Variants in SCAPER observed in about 807,000 individuals in gnomAD.
The protein encoded by SCAPER is S-phase cyclin A associated protein in the ER, also known as S phase cyclin A-associated protein in the endoplasmic reticulum.
Under a neutral mutation model 182.2 loss-of-function variants are expected in SCAPER, and 98 were observed. The ratio of observed to expected loss-of-function variants is 0.54; its 90% CI spans 0.46 to 0.64. The LOEUF (loss-of-function observed/expected upper bound fraction) is 0.64, where lower values mean the gene tolerates loss of function less well. SCAPER is among the 30% of genes least tolerant of loss of function. The pLI, the probability that SCAPER is intolerant of heterozygous loss-of-function variation, is 0.00. For synonymous variants in SCAPER, 605 were observed against 564.6 expected (o/e 1.07, Z -1.01); for missense variants, 1,432 against 1,690.0 (o/e 0.85, Z 2.68).
intron 25 of SCAPER, among the ~76,000 whole-genome samples, chr15:76,469,745 C>T (rs1473362485): frequency 2.6e-5 from 4 of 152,090 alleles, no homozygotes; most frequent in Non-Finnish European, 5.9e-5. Context: ...ACTCAAGTTT[C>T]CTCATCTGTG....
intron 21 of SCAPER, among the ~76,000 whole-genome samples, chr15:76,646,842 C>T (rs1172906650): frequency 6.6e-6 from 1 of 152,188 alleles, no homozygotes; most frequent in Admixed American, 6.5e-5. Context: ...GCCTGTAGAA[C>T]ATTTCCCTCA....
At chr15:76,631,441 T>A (rs767737796) in intron 21 of SCAPER, among the ~76,000 whole-genome samples, 1 of 152,214 alleles carries the variant, frequency 6.6e-6, no homozygotes, top group African/African-American at 2.4e-5. Context: ...TCTTTCCTTT[T>A]CATATTTAGT....
At chr15:76,361,630 G>A (rs1327954653) in intron 29 of SCAPER, among the ~76,000 whole-genome samples, 1 of 152,216 alleles carries the variant, frequency 6.6e-6, no homozygotes, top group Non-Finnish European at 1.5e-5. Flanking sequence ...ACATTAGTAA[G>A]TGAAGGCGTG....
At chr15:76,540,442 A>T (rs775066977) in intron 23 of SCAPER, among the ~76,000 whole-genome samples, 1 of 152,126 alleles carries the variant, frequency 6.6e-6, no homozygotes, top group Non-Finnish European at 1.5e-5. Flanking sequence ...TCAAAAAAGG[A>T]TTAGGTAGAT....
At chr15:76,904,421 A>C (rs1388036849) in intron 1 of SCAPER, among the ~76,000 whole-genome samples, 1 of 152,228 alleles carries the variant, frequency 6.6e-6, no homozygotes. Flanking sequence ...ATGAATAGCT[A>C]TTTTCATGGA....
chr15:76,841,953 T>C (rs1290561225), intron 4 of SCAPER, 22 bp from the exon 5 acceptor site: 4 of 1,583,708 alleles, frequency 2.5e-6, no homozygotes, highest in Non-Finnish European at 2.6e-6. Flanking sequence ...AAATAAAACA[T>C]GAAAATAAAT....
chr15:76,655,855 G>A (rs1242004765), intron 21 of SCAPER, among the ~76,000 whole-genome samples: 1 of 152,100 alleles, frequency 6.6e-6, no homozygotes, highest in Non-Finnish European at 1.5e-5. Context: ...ACAAGCAAAT[G>A]CTAAGGGAAT....
intron 21 of SCAPER, among the ~76,000 whole-genome samples, chr15:76,655,911 G>A (rs2055594212): frequency 1.3e-5 from 2 of 152,052 alleles, no homozygotes; most frequent in Admixed American, 6.6e-5. Context: ...AGAGATAGTG[G>A]AAATAGAAAA....
chr15:76,501,900 T>G (rs1567287510), intron 24 of SCAPER, among the ~76,000 whole-genome samples: 1 of 152,232 alleles, frequency 6.6e-6, no homozygotes, highest in East Asian at 1.9e-4. Context: ...AGCCACTGAC[T>G]CATGTCCACC....
Position 76,795,289 on chromosome 15 carries a change from G to A in SCAPER, c.763C>T (p.Arg255Cys), listed in dbSNP as rs759689669. The A allele has an allele frequency of 4.8e-5, 77 of 1,608,142 alleles. 1 individual carries two copies. Among genetic ancestry groups the A allele is most frequent in the Middle Eastern group, 3.3e-4 (2 of 6,058 alleles). The part of the protein sequence containing the change: ...CPPMTVQKAS[R>C]KNERKDAEGW... Reference sequence around the variant, plus strand: ...ATTCGAAGTCACTTGCCATTTTTGCGTGAGGCCTTCTGCACTGTCATTGGT... The same window carrying A: ...ATTCGAAGTCACTTGCCATTTTTGCATGAGGCCTTCTGCACTGTCATTGGT... The change falls in exon 8 of 32, where the codon CGC becomes TGC. Residue 255 changes from arginine to cysteine, a missense_variant. Coordinates refer to ENST00000563290, the MANE Select transcript of SCAPER (RefSeq NM_020843.4).
At chr15:76,675,923 C>T (rs2057345906) in intron 20 of SCAPER, among the ~76,000 whole-genome samples, 1 of 151,952 alleles carries the variant, frequency 6.6e-6, no homozygotes, top group Non-Finnish European at 1.5e-5. Context: ...CTCCTGGGTT[C>T]AAGTGATTCT....
chr15:76,816,852 C>T (rs980758926), intron 5 of SCAPER, among the ~76,000 whole-genome samples: 11 of 152,024 alleles, frequency 7.2e-5, no homozygotes, highest in African/African-American at 1.4e-4. Flanking sequence ...TTAGTACAGA[C>T]GGTGTTAGCC....
chr15:76,620,280 A>T (rs2051905038), intron 22 of SCAPER, among the ~76,000 whole-genome samples: 1 of 152,148 alleles, frequency 6.6e-6, no homozygotes, highest in Admixed American at 6.5e-5. Context: ...ATTGTCAGGA[A>T]TGAGTTAGCA....
intron 5 of SCAPER, among the ~76,000 whole-genome samples, chr15:76,835,099 A>T (rs2068815222): frequency 6.6e-6 from 1 of 152,118 alleles, no homozygotes; most frequent in African/African-American, 2.4e-5. Flanking sequence ...ATACAAAATC[A>T]ATATACAAAA....
chr15:76,510,354 T>A (rs772720103), intron 23 of SCAPER, among the ~76,000 whole-genome samples: 13 of 152,040 alleles, frequency 8.6e-5, no homozygotes, highest in Non-Finnish European at 1.0e-4. Flanking sequence ...ATCTAGAGAC[T>A]ACAAGGAACT....
At chr15:76,403,004 A>G (rs949063397) in intron 27 of SCAPER, among the ~76,000 whole-genome samples, 1 of 152,180 alleles carries the variant, frequency 6.6e-6, no homozygotes, top group African/African-American at 2.4e-5. Flanking sequence ...AAATGCTTAT[A>G]TTTGTGATAT....
At chr15:76,725,632 A>C (rs1461782374) in intron 17 of SCAPER, among the ~76,000 whole-genome samples, 1 of 152,166 alleles carries the variant, frequency 6.6e-6, no homozygotes, top group Non-Finnish European at 1.5e-5. Context: ...ATGGACTACC[A>C]TAAAAACAGA....
At chr15:76,808,756 C>T (rs138642951) in intron 5 of SCAPER, among the ~76,000 whole-genome samples, 2 of 152,322 alleles carry the variant, frequency 1.3e-5, no homozygotes, top group Admixed American at 6.5e-5. Context: ...AGTTAACCTG[C>T]CTATCTCCAA....
intron 29 of SCAPER, among the ~76,000 whole-genome samples, chr15:76,359,780 C>G (rs2041267503): frequency 1.3e-5 from 2 of 152,206 alleles, no homozygotes; most frequent in African/African-American, 4.8e-5. Flanking sequence ...TACAGAAGGG[C>G]AGGAACTATG....
Sources: gnomAD v4.1 joint callset for allele counts (sites outside exome capture counted in the v4.1 genomes callset) on GRCh38, gnomAD v4.1.1 for gene constraint, MANE v1.5 for transcripts, NCBI Gene and HGNC (gene_info 2026-07-23, HGNC 2026-07-21) for gene names.